The following NLGN1 variants were observed in gnomAD, a reference collection of about 807,000 sequenced individuals.
NLGN1 encodes neuroligin 1, also known as neuroligin-1.
In NLGN1, 12 loss-of-function variants were observed where a neutral mutation model predicts 65.5. That is an observed-to-expected ratio of 0.18 (90% CI 0.12 to 0.30). The LOEUF (loss-of-function observed/expected upper bound fraction) is 0.30, where lower values mean the gene tolerates loss of function less well. Ranked by LOEUF, NLGN1 falls within the 10% of genes least tolerant of loss-of-function variation. The pLI is 1.00. For missense variants in NLGN1, 750 were observed against 1,007.1 expected, an observed-to-expected ratio of 0.74 and a Z score of 3.46; for synonymous variants, 350 against 359.5, an observed-to-expected ratio of 0.97 and a Z score of 0.30.
chr3:173,716,797 C>T (rs1458970113), intron 3 of NLGN1, among the ~76,000 whole-genome samples: 1 of 151,882 alleles, frequency 6.6e-6, no homozygotes, highest in African/African-American at 2.4e-5. Context: ...AGGATTTTTC[C>T]CTTCTTGATA....
At chr3:173,923,047 T>A (rs1002261140) in intron 4 of NLGN1, among the ~76,000 whole-genome samples, 1 of 152,066 alleles carries the variant, frequency 6.6e-6, no homozygotes, top group African/African-American at 2.4e-5. Context: ...ATATCACATT[T>A]CATCAACATT....
intron 4 of NLGN1, among the ~76,000 whole-genome samples, chr3:174,107,798 T>C (rs2152606240): frequency 6.6e-6 from 1 of 152,300 alleles, no homozygotes; most frequent in South Asian, 2.1e-4. Flanking sequence ...CCAGCAGCAA[T>C]TGCTGTTTTA....
chr3:173,487,441 T>G lies in NLGN1; in HGVS notation c.-321+52363T>G, dbSNP rs147230737. Among the ~76,000 whole-genome samples the G allele has an allele frequency of 2.6e-5, 4 of 152,140 alleles. No homozygotes were observed. In the East Asian group the frequency reaches 7.7e-4, roughly 29 times the overall value. The stretch of plus-strand genomic sequence containing the variant: ...TGTGTTTGAAATAATATTGATTCAC[T>G]GACTGTTCTGGCTAGGGTTTCGTAA... On this transcript the variant is annotated intron_variant, in intron 2 of 6. Transcript: ENST00000457714.
At chr3:173,838,912 A>G (rs921399193) in intron 4 of NLGN1, among the ~76,000 whole-genome samples, 18 of 152,310 alleles carry the variant, frequency 1.2e-4, no homozygotes, top group African/African-American at 4.3e-4. Context: ...AGTCTTACTG[A>G]TATAGAAGTG....
intron 4 of NLGN1, among the ~76,000 whole-genome samples, chr3:174,024,022 T>C (rs1728314200): frequency 6.6e-6 from 1 of 151,904 alleles, no homozygotes; most frequent in South Asian, 2.1e-4. Context: ...AGTAAGTACA[T>C]GTGGATGCCA....
At chr3:174,024,749 A>G (rs34519796) in intron 4 of NLGN1, among the ~76,000 whole-genome samples, 31,437 of 152,010 alleles carry the variant, frequency 0.21, 3,571 homozygotes, top group East Asian at 0.34. Flanking sequence ...CATAAACACC[A>G]GCAACTTCTT....
intron 4 of NLGN1, among the ~76,000 whole-genome samples, chr3:173,830,105 A>T (rs888063163): frequency 6.6e-6 from 1 of 152,030 alleles, no homozygotes; most frequent in African/African-American, 2.4e-5. Context: ...AACTTATCTG[A>T]GCATGTGAAG....
At chr3:174,037,598 C>A (rs1343149975) in intron 4 of NLGN1, among the ~76,000 whole-genome samples, 4 of 152,118 alleles carry the variant, frequency 2.6e-5, no homozygotes, top group South Asian at 2.1e-4. Flanking sequence ...TACTTACAGA[C>A]AAACACAGGT....
intron 2 of NLGN1, among the ~76,000 whole-genome samples, chr3:173,522,541 C>T (rs1190344005): frequency 1.3e-5 from 2 of 152,140 alleles, no homozygotes; most frequent in Non-Finnish European, 1.5e-5. Context: ...CGCCATTCTC[C>T]TGCCTCAGGC....
chr3:173,996,155 T>G (rs1333597083), intron 4 of NLGN1, among the ~76,000 whole-genome samples: 3 of 152,208 alleles, frequency 2.0e-5, no homozygotes, highest in Non-Finnish European at 4.4e-5. Context: ...TGGTGCCAGA[T>G]AGAAAACTCC....
intron 4 of NLGN1, among the ~76,000 whole-genome samples, chr3:173,898,248 A>G (rs940758941): frequency 6.6e-6 from 1 of 152,184 alleles, no homozygotes; most frequent in African/African-American, 2.4e-5. Context: ...TTTATTGTGG[A>G]AATATACAAT....
At chr3:174,088,901 T>C (rs555061860) in intron 4 of NLGN1, among the ~76,000 whole-genome samples, 204 of 152,178 alleles carry the variant, frequency 1.3e-3, no homozygotes, top group Middle Eastern at 0.01. Context: ...ACACCAAGTG[T>C]TGGTCTCTGC....
At chr3:173,403,296 C>T (rs964549045) in intron 1 of NLGN1, among the ~76,000 whole-genome samples, 1 of 151,962 alleles carries the variant, frequency 6.6e-6, no homozygotes, top group Non-Finnish European at 1.5e-5. Flanking sequence ...CATCGTATAC[C>T]TATCTATATG....
rs543323903 is a variant in NLGN1 at position 173,871,959 on chromosome 3, G to A, written c.646+64127G>A. Reference sequence around the variant, plus strand: ...CTTTCAATTTCAACCGTTCCTAAGAGTTAGCTGGAATTCACAAGAATAACA... The same window carrying A: ...CTTTCAATTTCAACCGTTCCTAAGAATTAGCTGGAATTCACAAGAATAACA... On this transcript the variant is annotated intron_variant, in intron 4 of 6. Transcript: ENST00000457714. 4.6e-5 allele frequency among the ~76,000 whole-genome samples: 7 copies of A among 152,306 alleles called. No homozygotes were observed. In the East Asian group the frequency reaches 1.3e-3, roughly 29 times the overall value.
At chr3:174,049,349 G>A (rs1734308482) in intron 4 of NLGN1, among the ~76,000 whole-genome samples, 1 of 152,040 alleles carries the variant, frequency 6.6e-6, no homozygotes, top group Non-Finnish European at 1.5e-5. Flanking sequence ...CCAGTAAGTG[G>A]CATGATCAGG....
At chr3:173,836,430 A>G (rs1364961585) in intron 4 of NLGN1, among the ~76,000 whole-genome samples, 1 of 152,162 alleles carries the variant, frequency 6.6e-6, no homozygotes. Context: ...ACTAATAATA[A>G]TAGTTTATTG....
chr3:173,614,143 C>T (rs868573280), intron 3 of NLGN1, among the ~76,000 whole-genome samples: 2 of 151,842 alleles, frequency 1.3e-5, no homozygotes, highest in African/African-American at 4.8e-5. Context: ...GTTTGGGGCT[C>T]CTCTTCTAGA....
In NLGN1 at chr3:173,663,354, T is replaced by C. The variant is rs1289539512; in HGVS notation, c.493+58263T>C. On this transcript the variant is annotated intron_variant, in intron 3 of 6. Transcript: ENST00000457714. ...GCTAAAAAAATTCCATGAATCAAAA[T>C]TTTCTTTGCACAAAGTTGTTTAACT... is the stretch of plus-strand genomic sequence containing the variant. Among the ~76,000 whole-genome samples, 4 of 152,006 alleles carry C rather than the reference T, an allele frequency of 2.6e-5. No individual in the cohort carries two copies. In the East Asian group the frequency reaches 7.7e-4, roughly 29 times the overall value.
chr3:174,068,972 G>A (rs1739250650), intron 4 of NLGN1, among the ~76,000 whole-genome samples: 3 of 152,110 alleles, frequency 2.0e-5, no homozygotes, highest in African/African-American at 7.2e-5. Context: ...TGAGTTGGTG[G>A]GAGAAAAGAG....
Sources: allele counts gnomAD v4.1 joint callset (sites outside exome capture counted in the v4.1 genomes callset), GRCh38; gene constraint gnomAD v4.1.1; transcripts MANE v1.5; gene names NCBI Gene and HGNC (gene_info 2026-07-23, HGNC 2026-07-21).